The following ARPC2 variants were observed in gnomAD, a reference collection of about 807,000 sequenced individuals.
The protein encoded by ARPC2 is actin-related protein 2/3 complex subunit 2.
In ARPC2, 4 loss-of-function variants were observed where a neutral mutation model predicts 38.6. That is an observed-to-expected ratio of 0.10 (90% CI 0.05 to 0.24). The LOEUF (loss-of-function observed/expected upper bound fraction) is 0.24. Among genes scored for constraint, ARPC2 ranks in the 10% least tolerant of loss-of-function variants. The pLI is 1.00. For missense variants in ARPC2, 229 were observed against 387.3 expected (o/e 0.59, Z 3.43); for synonymous variants, 125 against 140.8 (o/e 0.89, Z 0.79).
At chr2:218,218,204 C>T (rs1186620869) in intron 2 of ARPC2, among the ~76,000 whole-genome samples, 1 of 152,222 alleles carries the variant, frequency 6.6e-6, no homozygotes. Context: ...TTCCTTATCT[C>T]TCCTTTGAGG....
At chr2:218,226,067 G>A (rs1194684287) in intron 3 of ARPC2, 113 bp downstream of exon 3, 8 of 1,031,556 alleles carry the variant, frequency 7.8e-6, no homozygotes, top group Non-Finnish European at 1.2e-5. Flanking sequence ...GTCCGAGGCA[G>A]GTGGATCACC....
chr2:218,238,815 C>G lies in ARPC2; in HGVS notation c.420C>G (p.Asn140Lys), dbSNP rs1470401008. Residue 140 changes from asparagine (N) to lysine (K), a missense_variant, in exon 6 of 11, where the codon AAC becomes AAG. By Grantham distance (94) the Asn-to-Lys change is moderately conservative. Coordinates refer to ENST00000315717, the MANE Select transcript of ARPC2 (RefSeq NM_152862.3). The stretch of plus-strand genomic sequence containing the variant: ...AAGAAGAGGGCAAGGAAGGAGAGAA[C>G]AGGGCAGTTATCCATTATAGGGATG... ...QFQEEGKEGE[N>K]RAVIHYRDDE... 8 of 1,613,756 alleles carry G rather than the reference C, an allele frequency of 5.0e-6. No homozygotes were observed. Among genetic ancestry groups the G allele is most frequent in the South Asian group, 1.1e-5 (1 of 91,060 alleles).
chr2:218,226,504 C>A (rs543839889), intron 3 of ARPC2, among the ~76,000 whole-genome samples: 7 of 151,674 alleles, frequency 4.6e-5, no homozygotes, highest in African/African-American at 7.3e-5. Context: ...TGGCGGGCAC[C>A]TGTAGTCCCA....
intron 7 of ARPC2, among the ~76,000 whole-genome samples, chr2:218,244,757 C>G (rs1689992499): frequency 1.3e-5 from 2 of 152,222 alleles, no homozygotes; most frequent in African/African-American, 2.4e-5. Flanking sequence ...CTTGGAGAGT[C>G]CTTGGCAGCA....
intron 7 of ARPC2, 85 bp from the exon 8 acceptor site, chr2:218,245,335 A>G: frequency 6.4e-7 from 1 of 1,567,724 alleles, no homozygotes; most frequent in South Asian, 1.1e-5. Flanking sequence ...CAAAGGTCAC[A>G]CCACATAGAA....
chr2:218,242,922 T>C (rs1253154521), intron 7 of ARPC2, among the ~76,000 whole-genome samples: 1 of 152,212 alleles, frequency 6.6e-6, no homozygotes, highest in Non-Finnish European at 1.5e-5. Context: ...GGACCGTGTT[T>C]TGTGGGGTTT....
At chr2:218,230,077 T>A (rs1689593876) in intron 4 of ARPC2, among the ~76,000 whole-genome samples, 1 of 151,902 alleles carries the variant, frequency 6.6e-6, no homozygotes, top group East Asian at 1.9e-4. Flanking sequence ...TTCAAGCAGT[T>A]CATCTGCCTC....
intron 8 of ARPC2, among the ~76,000 whole-genome samples, chr2:218,246,870 C>T (rs900553155): frequency 6.6e-6 from 1 of 152,116 alleles, no homozygotes; most frequent in African/African-American, 2.4e-5. Flanking sequence ...CCCAGCTACT[C>T]GGGCAAGCGA....
intron 5 of ARPC2, among the ~76,000 whole-genome samples, chr2:218,238,197 TA>T (rs1689818540): frequency 6.6e-6 from 1 of 152,184 alleles, no homozygotes; most frequent in Non-Finnish European, 1.5e-5. Flanking sequence ...GGGTTTATCT[TA>T]TTATCACAAA....
At chr2:218,234,968 A>G in intron 5 of ARPC2, 1 of 429,946 alleles carries the variant, frequency 2.3e-6, no homozygotes. Context: ...GAAAAACTGA[A>G]CAGCCTTTTT....
intron 8 of ARPC2, 22 bp downstream of exon 8, chr2:218,245,568 C>G: frequency 6.2e-7 from 1 of 1,613,600 alleles, no homozygotes; most frequent in East Asian, 2.2e-5. Context: ...GCACTTGCTG[C>G]TTTTGTGCCG....
At chr2:218,234,419 T>G in intron 5 of ARPC2, 22 bp downstream of exon 5, 1 of 1,572,334 alleles carries the variant, frequency 6.4e-7, no homozygotes, top group Non-Finnish European at 8.7e-7. Flanking sequence ...TGTGAGCAAC[T>G]ATGGAATGAC....
chr2:218,252,720 G>A (rs1341713331), intron 10 of ARPC2, among the ~76,000 whole-genome samples: 1 of 152,196 alleles, frequency 6.6e-6, no homozygotes, highest in Non-Finnish European at 1.5e-5. Flanking sequence ...GTAGCTGCTT[G>A]TGCATCCAGG....
chr2:218,224,902 C>T (rs1044106740), intron 2 of ARPC2, among the ~76,000 whole-genome samples: 1 of 152,134 alleles, frequency 6.6e-6, no homozygotes, highest in African/African-American at 2.4e-5. Context: ...TCGTTTCTTT[C>T]GCAGGTAATG....
chr2:218,238,898 C>G, intron 6 of ARPC2, 48 bp downstream of exon 6: 1 of 1,388,498 alleles, frequency 7.2e-7, no homozygotes, highest in South Asian at 1.3e-5. Context: ...TGCTACACCA[C>G]CATGGCACTT....
At chr2:218,218,018 TC>T (rs1180200272) in intron 2 of ARPC2, among the ~76,000 whole-genome samples, 5 of 152,056 alleles carry the variant, frequency 3.3e-5, no homozygotes, top group Admixed American at 3.3e-4. Context: ...GCATTCTCGT[TC>T]CCCACCCCCA....
At chr2:218,227,020 C>T (rs1315682397) in intron 3 of ARPC2, 1 of 456,538 alleles carries the variant, frequency 2.2e-6, no homozygotes. Flanking sequence ...AGGAATACAA[C>T]CACCCTTTCT....
At chr2:218,251,201 G>GTTGTT (rs1230413970) in intron 10 of ARPC2, among the ~76,000 whole-genome samples, 8 of 136,222 alleles carry the variant, frequency 5.9e-5, no homozygotes, top group Non-Finnish European at 1.0e-4. Context: ...GTTTTGTTTT[G>GTTGTT]TTGTTTTGTT....
intron 7 of ARPC2, among the ~76,000 whole-genome samples, chr2:218,245,079 G>A (rs892688222): frequency 6.6e-6 from 1 of 152,174 alleles, no homozygotes; most frequent in Non-Finnish European, 1.5e-5. Context: ...AATAGCAACA[G>A]GATCCTCAGT....
Sources: allele counts gnomAD v4.1 joint callset (sites outside exome capture counted in the v4.1 genomes callset), GRCh38; gene constraint gnomAD v4.1.1; transcripts MANE v1.5; gene names NCBI Gene and HGNC (gene_info 2026-07-23, HGNC 2026-07-21).